Variants in VEGFC observed in about 807,000 individuals in gnomAD.
VEGFC encodes the protein FLT4 ligand DHM.
Under a neutral mutation model 46.1 loss-of-function variants are expected in VEGFC, and 12 were observed. That is an observed-to-expected ratio of 0.26 (90% confidence interval 0.17 to 0.42). VEGFC has a LOEUF of 0.42. Ranked by LOEUF, VEGFC falls within the 10% of genes least tolerant of loss-of-function variation. The pLI, the probability that VEGFC is intolerant of heterozygous loss-of-function variation, is 1.00. For synonymous variants in VEGFC, 232 were observed against 195.5 expected (o/e 1.19, Z -1.56); for missense variants, 488 against 529.4 (o/e 0.92, Z 0.77).
At chr4:176,692,318 C>CGGCA (rs1560934759) in intron 4 of VEGFC, among the ~76,000 whole-genome samples, 1 of 133,498 alleles carries the variant, frequency 7.5e-6, no homozygotes, top group Admixed American at 7.2e-5. Flanking sequence ...GGCGTGAACC[C>CGGCA]GGCAGGCGGA....
chr4:176,747,538 A>G (rs1735277367), intron 1 of VEGFC, among the ~76,000 whole-genome samples: 1 of 152,112 alleles, frequency 6.6e-6, no homozygotes, highest in Admixed American at 6.6e-5. Flanking sequence ...CACACCTGCA[A>G]TCCCAGTACT....
intron 4 of VEGFC, among the ~76,000 whole-genome samples, chr4:176,707,671 T>C (rs1224594407): frequency 2.0e-5 from 3 of 152,118 alleles, no homozygotes; most frequent in African/African-American, 7.2e-5. Context: ...CCCAAGAAAA[T>C]AATATTCCTT....
intron 3 of VEGFC, among the ~76,000 whole-genome samples, chr4:176,713,525 G>A (rs1734651821): frequency 6.6e-6 from 1 of 152,026 alleles, no homozygotes; most frequent in South Asian, 2.1e-4. Context: ...GATTATTTAA[G>A]CTCTGCAATA....
At chr4:176,746,326 A>T (rs1403867993) in intron 1 of VEGFC, among the ~76,000 whole-genome samples, 1 of 151,936 alleles carries the variant, frequency 6.6e-6, no homozygotes, top group Admixed American at 6.6e-5. Flanking sequence ...ACTTATTTTT[A>T]AGAAAACACA....
chr4:176,726,466 T>C (rs1734875261), intron 3 of VEGFC, among the ~76,000 whole-genome samples: 1 of 152,164 alleles, frequency 6.6e-6, no homozygotes, highest in Non-Finnish European at 1.5e-5. Flanking sequence ...ATAGAAAATT[T>C]AGCTTTATAA....
intron 1 of VEGFC, among the ~76,000 whole-genome samples, chr4:176,791,572 GC>G (rs762884668): frequency 0.066 from 4,473 of 67,438 alleles, 105 homozygotes; most frequent in Non-Finnish European, 0.16. Context: ...GCCTTGCATT[GC>G]TTGATTGTGA....
rs1733988611 is a variant in VEGFC, at chr4:176,683,950, A to G, written c.1236T>C (p.Tyr412=). ...SEEVCRCVPS[Y]WKRPQMS is the part of the protein sequence containing the mutation. ...CTTAGCTCATTTGTGGTCTTTTCCA[A>G]TATGAAGGGACACAACGACACACTT... Residue 412 remains tyrosine (Y), a synonymous_variant, in exon 7 of 7, where the codon TAT becomes TAC. Transcript: ENST00000618562. The G allele has an allele frequency of 2.5e-6, 4 of 1,614,152 alleles. No homozygotes were observed. Among genetic ancestry groups the G allele is most frequent in the South Asian group, 1.1e-5 (1 of 91,082 alleles).
intron 1 of VEGFC, among the ~76,000 whole-genome samples, chr4:176,760,986 T>A: frequency 6.6e-6 from 1 of 152,138 alleles, no homozygotes; most frequent in East Asian, 1.9e-4. Flanking sequence ...TCTGGCCCAA[T>A]GGGCAAAGTT....
At chr4:176,692,477 CG>C (rs1349482336) in intron 4 of VEGFC, among the ~76,000 whole-genome samples, 4 of 135,190 alleles carry the variant, frequency 3.0e-5, no homozygotes, top group Non-Finnish European at 4.5e-5. Flanking sequence ...GAGGGTCCTA[CG>C]CCCACGGAGT....
chr4:176,687,990 GC>G, intron 4 of VEGFC, 63 bp from the exon 5 acceptor site: 2 of 810,036 alleles, frequency 2.5e-6, no homozygotes, highest in Non-Finnish European at 4.1e-6. Context: ...GACCATCTCT[GC>G]TCACATATGT....
chr4:176,746,575 TCTTC>T (rs1368908615), intron 1 of VEGFC, among the ~76,000 whole-genome samples: 12 of 152,116 alleles, frequency 7.9e-5, no homozygotes, highest in African/African-American at 2.4e-4. Context: ...AACCTCTTCC[TCTTC>T]CTTATAATTC....
At chr4:176,758,409 C>T (rs964661481) in intron 1 of VEGFC, among the ~76,000 whole-genome samples, 1 of 152,112 alleles carries the variant, frequency 6.6e-6, no homozygotes, top group Non-Finnish European at 1.5e-5. Flanking sequence ...GTAGTAAATT[C>T]ATATTTAGAT....
intron 1 of VEGFC, among the ~76,000 whole-genome samples, chr4:176,737,416 T>G (rs1003862940): frequency 2.7e-5 from 4 of 149,554 alleles, no homozygotes; most frequent in Non-Finnish European, 5.9e-5. Flanking sequence ...ATTTCTATGT[T>G]AAATTTGAGA....
chr4:176,766,684 C>G (rs1267150012), intron 1 of VEGFC, among the ~76,000 whole-genome samples: 1 of 150,952 alleles, frequency 6.6e-6, no homozygotes, highest in African/African-American at 2.4e-5. Flanking sequence ...AATCGTAAAA[C>G]AGAGTCCAGA....
chr4:176,747,514 C>G (rs1450950168), intron 1 of VEGFC, among the ~76,000 whole-genome samples: 3 of 152,036 alleles, frequency 2.0e-5, no homozygotes, highest in Non-Finnish European at 4.4e-5. Flanking sequence ...AGTTTCAAGG[C>G]TGGGCGTGGT....
At chr4:176,729,936 A>G (rs1026124440) in intron 1 of VEGFC, among the ~76,000 whole-genome samples, 190 bp from the exon 2 acceptor site, 1 of 152,188 alleles carries the variant, frequency 6.6e-6, no homozygotes, top group Non-Finnish European at 1.5e-5. Flanking sequence ...GAACCAAAAC[A>G]ATTAAAAATA....
At chr4:176,744,691 T>C (rs1735232626) in intron 1 of VEGFC, among the ~76,000 whole-genome samples, 1 of 152,096 alleles carries the variant, frequency 6.6e-6, no homozygotes. Flanking sequence ...GACCAGGGTC[T>C]GTGCTAGTTT....
intron 4 of VEGFC, among the ~76,000 whole-genome samples, chr4:176,695,272 C>T (rs1416400312): frequency 3.4e-4 from 51 of 149,234 alleles, no homozygotes; most frequent in Non-Finnish European, 5.1e-4. Flanking sequence ...ATCAAATAGA[C>T]GCAATAAAAA....
At chr4:176,750,440 T>A (rs1735323489) in intron 1 of VEGFC, among the ~76,000 whole-genome samples, 2 of 151,236 alleles carry the variant, frequency 1.3e-5, no homozygotes, top group Admixed American at 6.6e-5. Flanking sequence ...TTGAAAAAAA[T>A]TTATATATGT....
Sources: gnomAD v4.1 joint callset for allele counts (sites outside exome capture counted in the v4.1 genomes callset) on GRCh38, gnomAD v4.1.1 for gene constraint, MANE v1.5 for transcripts, NCBI Gene and HGNC (gene_info 2026-07-23, HGNC 2026-07-21) for gene names.